Variants in PPP1R37 observed in about 807,000 individuals in gnomAD.
The protein encoded by PPP1R37 is leucine rich repeat containing 68.
A neutral mutation model predicts 61.0 loss-of-function variants in PPP1R37; 21 were observed. The ratio of observed to expected loss-of-function variants is 0.34; its 90% CI spans 0.24 to 0.50. The LOEUF (loss-of-function observed/expected upper bound fraction) is 0.50, where lower values mean the gene tolerates loss of function less well. Ranked by LOEUF, PPP1R37 falls within the 20% of genes least tolerant of loss-of-function variation. PPP1R37 has a pLI of 0.98. For synonymous variants in PPP1R37, 443 were observed against 433.5 expected (o/e 1.02, Z -0.27); for missense variants, 910 against 952.7 (o/e 0.96, Z 0.59).
rs1219361165 is a variant in PPP1R37 at position 45,121,703 on chromosome 19, C to T, written c.203-16811C>T. Among the ~76,000 whole-genome samples, 1 of 152,196 alleles carries T rather than the reference C, an allele frequency of 6.6e-6. No individual in the cohort carries two copies. The highest frequency in any genetic ancestry group is 6.5e-5 in the Admixed American group (1 of 15,284). ...CTCTTGAGGGGCCTCTGGATGCCCGCGGTGGGGTGCTGGGGCCTCCACGGG... is the reference window on the plus strand; with the variant it reads ...CTCTTGAGGGGCCTCTGGATGCCCGTGGTGGGGTGCTGGGGCCTCCACGGG... On this transcript the variant is annotated intron_variant, in intron 1 of 12. Coordinates refer to ENST00000221462, the MANE Select transcript of PPP1R37 (RefSeq NM_019121.2). This position sits in a 1 kb window ranked among gnomAD's most constrained non-coding sequence, Gnocchi z 4.2.
intron 1 of PPP1R37, among the ~76,000 whole-genome samples, chr19:45,099,822 T>G (rs1194071910): frequency 1.3e-5 from 2 of 152,218 alleles, no homozygotes; most frequent in Non-Finnish European, 2.9e-5. Flanking sequence ...AAACTTTTTT[T>G]GTGGTAGTTA....
chr19:45,099,270 C>T (rs1314508371), intron 1 of PPP1R37, among the ~76,000 whole-genome samples: 4 of 152,346 alleles, frequency 2.6e-5, no homozygotes, highest in Non-Finnish European at 5.9e-5. Context: ...GACCTCCAGG[C>T]CTGACTCTGT....
At chr19:45,109,689 C>T (rs1968175959) in intron 1 of PPP1R37, among the ~76,000 whole-genome samples, 1 of 152,204 alleles carries the variant, frequency 6.6e-6, no homozygotes, top group Non-Finnish European at 1.5e-5. Context: ...GTCCCAGGAG[C>T]CTCAAGTTTC....
In PPP1R37 at chr19:45,144,925, C is replaced by T. The variant is rs1405823045; in HGVS notation, c.1059C>T (p.Leu353=). Residue 353 remains leucine (L), a synonymous_variant, in exon 9 of 13, where the codon CTC becomes CTT. Transcript: ENST00000221462. ...TCGGGAACGAGGGTGTGCGGCACCTCAAGAACGGGCTCATCAGCAACCGCA... is the reference window on the plus strand; with the variant it reads ...TCGGGAACGAGGGTGTGCGGCACCTTAAGAACGGGCTCATCAGCAACCGCA... ...NPIGNEGVRH[L]KNGLISNRSV... 4 of 1,535,758 alleles carry T rather than the reference C, an allele frequency of 2.6e-6. No homozygotes were observed. In the African/African-American group the frequency reaches 5.5e-5, roughly 21 times the overall value.
At chr19:45,127,372 A>G (rs1160895898) in intron 1 of PPP1R37, among the ~76,000 whole-genome samples, 1 of 151,048 alleles carries the variant, frequency 6.6e-6, no homozygotes, top group South Asian at 2.1e-4. Flanking sequence ...AAAAAAAAAA[A>G]AAAACCCTAG....
At position 45,093,364 on chromosome 19, in the gene PPP1R37, C is replaced by A. The variant is rs1967947051; in HGVS notation, c.39C>A (p.Gly13=). Residue 13 remains glycine, a synonymous_variant, in exon 1 of 13, where the codon GGC becomes GGA. Coordinates refer to ENST00000221462, the MANE Select transcript of PPP1R37 (RefSeq NM_019121.2). ...CGCAGGAGGCGCCGCCCGTGCCGGG[C>A]GCGGACGGCGACATTGAAGAGGCCC... ...IAPQEAPPVP[G]ADGDIEEAPA... The A allele has an allele frequency of 6.6e-7, 1 of 1,508,802 alleles. No individual in the cohort carries two copies. The highest frequency in any genetic ancestry group is 1.2e-5 in the South Asian group (1 of 81,914). The allele number at this position is 1,508,802 out of a possible 1,614,324, so 93.5% of individuals were successfully genotyped here.
chr19:45,142,003 AG>A, intron 5 of PPP1R37, 57 bp from the exon 6 acceptor site: 1 of 1,317,772 alleles, frequency 7.6e-7, no homozygotes, highest in South Asian at 1.5e-5. Context: ...TCCTGGGGCC[AG>A]GGAGTGCTGG....
intron 1 of PPP1R37, 21 bp downstream of exon 1, chr19:45,093,548 G>C: frequency 6.6e-7 from 1 of 1,523,284 alleles, no homozygotes; most frequent in Non-Finnish European, 8.8e-7. Flanking sequence ...CGGGTGAAGC[G>C]GGGGCGGGCT....
At chr19:45,120,944 C>G (rs1160583339) in intron 1 of PPP1R37, among the ~76,000 whole-genome samples, 1 of 152,188 alleles carries the variant, frequency 6.6e-6, no homozygotes, top group Non-Finnish European at 1.5e-5. Flanking sequence ...ACTGGTCTTG[C>G]CAAATTGCCT....
chr19:45,107,856 C>T (rs964301671), intron 1 of PPP1R37, among the ~76,000 whole-genome samples: 13 of 152,110 alleles, frequency 8.5e-5, no homozygotes, highest in East Asian at 3.8e-4. Flanking sequence ...TTCATTTTTC[C>T]GTTTTTTTAG....
chr19:45,099,615 A>G (rs1354251395), intron 1 of PPP1R37, among the ~76,000 whole-genome samples: 1 of 152,218 alleles, frequency 6.6e-6, no homozygotes, highest in Non-Finnish European at 1.5e-5. Context: ...GTGCCTGTAC[A>G]TGCAGTTGGG....
At chr19:45,095,308 G>A (rs1331911580) in intron 1 of PPP1R37, among the ~76,000 whole-genome samples, 1 of 152,074 alleles carries the variant, frequency 6.6e-6, no homozygotes, top group African/African-American at 2.4e-5. Flanking sequence ...AAAAATGTTT[G>A]TATTTTTAGT....
intron 1 of PPP1R37, among the ~76,000 whole-genome samples, chr19:45,106,455 GCTGAT>G (rs1251221186): frequency 3.3e-5 from 5 of 152,108 alleles, no homozygotes; most frequent in Non-Finnish European, 7.3e-5. Context: ...TGTTGGCTGG[GCTGAT>G]CTCGAACTCC....
At position 45,142,473 on chromosome 19, in the gene PPP1R37, C is replaced by G; in HGVS notation, c.874+15C>G. 2 of 1,534,864 alleles carry G rather than the reference C, an allele frequency of 1.3e-6. No individual in the cohort carries two copies. The highest frequency in any genetic ancestry group is 1.7e-6 in the Non-Finnish European group (2 of 1,146,106). ...GCTAGACTCGGGTGGGTGCAGTGGC[C>G]CACCCCACCCACACCCGTCACCCAG... On this transcript the variant is annotated intron_variant, in intron 7 of 12. Coordinates refer to ENST00000221462, the MANE Select transcript of PPP1R37 (RefSeq NM_019121.2).
At chr19:45,126,876 C>T (rs566794819) in intron 1 of PPP1R37, among the ~76,000 whole-genome samples, 6 of 152,344 alleles carry the variant, frequency 3.9e-5, no homozygotes, top group African/African-American at 1.2e-4. Context: ...TCTGAGTCAG[C>T]ACATCACCAG....
Position 45,145,918 on chromosome 19 carries a change from A to G in PPP1R37, c.1862A>G (p.Gln621Arg). 2 of 1,532,110 alleles carry G rather than the reference A, an allele frequency of 1.3e-6. No individual in the cohort carries two copies. Among genetic ancestry groups the G allele is most frequent in the Non-Finnish European group, 8.7e-7 (1 of 1,146,016 alleles). 94.9% of individuals were successfully genotyped at this position (1,532,110 alleles called of 1,614,324 possible). Reference sequence around the variant, plus strand: ...CGGGACACAGGGTCCTCTGAGCCTCAGCCACCACCGGAGCCGCCTCGGTCA... The same window carrying G: ...CGGGACACAGGGTCCTCTGAGCCTCGGCCACCACCGGAGCCGCCTCGGTCA... ...DTRDTGSSEP[Q>R]PPPEPPRSGP... The change falls in exon 11 of 13, where the codon CAG becomes CGG. Residue 621 changes from glutamine to arginine, a missense_variant. Physicochemically the swap from Gln to Arg is conservative, Grantham distance 43. Coordinates refer to ENST00000221462, the MANE Select transcript of PPP1R37 (RefSeq NM_019121.2).
chr19:45,103,789 G>A (rs529871808), intron 1 of PPP1R37, among the ~76,000 whole-genome samples: 22 of 152,250 alleles, frequency 1.4e-4, no homozygotes, highest in African/African-American at 2.9e-4. Flanking sequence ...TACATGCATC[G>A]TTAATCTTGG....
intron 1 of PPP1R37, among the ~76,000 whole-genome samples, chr19:45,116,521 C>T (rs1269974766): frequency 6.6e-6 from 1 of 152,182 alleles, no homozygotes; most frequent in African/African-American, 2.4e-5. Flanking sequence ...CTCACGGCCT[C>T]TCAGCAGGCC....
At position 45,130,745 on chromosome 19, in the gene PPP1R37, C is replaced by T. The variant is rs1364577579; in HGVS notation, c.203-7769C>T. ...TAGCTAGGACCTCCTGACTCTGGTG[C>T]TCTGTGAACCTGGCTCGCAGACGTC... On this transcript the variant is annotated intron_variant, in intron 1 of 12. Coordinates refer to ENST00000221462, the MANE Select transcript of PPP1R37 (RefSeq NM_019121.2). This position sits in a 1 kb window ranked among gnomAD's most constrained non-coding sequence, Gnocchi z 4.4. 6.6e-6 allele frequency among the ~76,000 whole-genome samples: 1 copy of T among 152,218 alleles called. No individual in the cohort carries two copies. The highest frequency in any genetic ancestry group is 1.5e-5 in the Non-Finnish European group (1 of 68,034).
Sources: gnomAD v4.1 joint callset for allele counts (sites outside exome capture counted in the v4.1 genomes callset) on GRCh38, gnomAD v4.1.1 for gene constraint, Gnocchi (gnomAD v3.1) non-coding constraint, MANE v1.5 for transcripts, NCBI Gene and HGNC (gene_info 2026-07-23, HGNC 2026-07-21) for gene names.